Variants in FOLH1 observed in about 807,000 individuals in gnomAD.
The protein encoded by FOLH1 is glutamate carboxypeptidase 2.
In FOLH1, 54 loss-of-function variants were observed where a neutral mutation model predicts 93.9. That is an observed-to-expected ratio of 0.57 (90% confidence interval 0.46 to 0.72). The LOEUF is 0.72. Among genes scored for constraint, FOLH1 ranks in the 30% least tolerant of loss-of-function variants. The pLI, the probability that FOLH1 is intolerant of heterozygous loss-of-function variation, is 0.00. For missense variants in FOLH1, 571 were observed against 892.5 expected, an observed-to-expected ratio of 0.64 and a Z score of 4.59; for synonymous variants, 249 against 303.6, an observed-to-expected ratio of 0.82 and a Z score of 1.87.
At chr11:49,187,805 C>T (rs1178690923) in intron 4 of FOLH1, among the ~76,000 whole-genome samples, 2 of 152,190 alleles carry the variant, frequency 1.3e-5, no homozygotes, top group Non-Finnish European at 2.9e-5. Context: ...CTGTAGACAG[C>T]CCCCTTGCTC....
chr11:49,169,665 A>C (rs1858970609), intron 11 of FOLH1, among the ~76,000 whole-genome samples: 2 of 152,228 alleles, frequency 1.3e-5, no homozygotes, highest in Admixed American at 1.3e-4. Context: ...TATGGAATGA[A>C]GGTATTTTAA....
intron 15 of FOLH1, among the ~76,000 whole-genome samples, chr11:49,155,346 ACCTCC>A (rs1177175204): frequency 6.6e-6 from 1 of 152,066 alleles, no homozygotes; most frequent in Non-Finnish European, 1.5e-5. Flanking sequence ...ACTCTGCCTA[ACCTCC>A]TACCTCACAG....
At chr11:49,159,133 G>A (rs1190528181) in intron 13 of FOLH1, among the ~76,000 whole-genome samples, 3 of 151,980 alleles carry the variant, frequency 2.0e-5, no homozygotes, top group Non-Finnish European at 4.4e-5. Flanking sequence ...TTTTTATCTT[G>A]CCTGATTACC....
chr11:49,208,252 G>A (rs753280385), intron 1 of FOLH1, 40 bp downstream of exon 1: 2 of 1,394,188 alleles, frequency 1.4e-6, no homozygotes, highest in Non-Finnish European at 1.9e-6. Flanking sequence ...CGGCACCACG[G>A]GGAAGACTCC....
chr11:49,195,817 A>G (rs895182056), intron 3 of FOLH1, among the ~76,000 whole-genome samples: 43 of 152,242 alleles, frequency 2.8e-4, no homozygotes, highest in Middle Eastern at 3.2e-3. Flanking sequence ...CAAATGGAAA[A>G]TGCATTTTAA....
chr11:49,179,396 C>T (rs1860470520), intron 7 of FOLH1, among the ~76,000 whole-genome samples: 1 of 152,176 alleles, frequency 6.6e-6, no homozygotes, highest in African/African-American at 2.4e-5. Flanking sequence ...TACTCATATA[C>T]TTCTTTTACT....
chr11:49,195,102 T>A (rs1310706727), intron 3 of FOLH1, among the ~76,000 whole-genome samples: 3 of 151,952 alleles, frequency 2.0e-5, no homozygotes, highest in Admixed American at 6.6e-5. Context: ...CAAACAACCA[T>A]CAAATACATG....
rs971454357 is a variant in FOLH1, at chr11:49,162,841, T to A, written c.1440+1864A>T. The A allele has an allele frequency of 3.3e-5, 5 of 152,054 alleles. No homozygotes were observed. The East Asian group carries it at 9.6e-4, about 29-fold the overall frequency. The allele number at this position is 152,054 out of a possible 1,614,324, so 9.4% of individuals were successfully genotyped here. A position where few individuals can be genotyped will look rare whatever the true frequency, so the allele number is the denominator to read the frequency against. ...CCACTTTTCTGCAGGGCTGCTGTGTTGTGCTGGGGGGTCGACTCCAATCGC... is the reference window on the plus strand; with the variant it reads ...CCACTTTTCTGCAGGGCTGCTGTGTAGTGCTGGGGGGTCGACTCCAATCGC... On this transcript the variant is annotated intron_variant, in intron 13 of 18. Transcript: ENST00000256999.
At chr11:49,182,200 G>A (rs1268830531) in intron 7 of FOLH1, among the ~76,000 whole-genome samples, 1 of 151,742 alleles carries the variant, frequency 6.6e-6, no homozygotes, top group Non-Finnish European at 1.5e-5. Context: ...ATAGTGGTGG[G>A]CACCTGTAAT....
intron 12 of FOLH1, among the ~76,000 whole-genome samples, chr11:49,165,516 G>A (rs1006862723): frequency 2.0e-5 from 3 of 152,208 alleles, no homozygotes; most frequent in Non-Finnish European, 4.4e-5. Flanking sequence ...AGCACAGGGA[G>A]GGGCTGCTGA....
chr11:49,154,168 T>A, intron 16 of FOLH1, 60 bp downstream of exon 16: 15 of 1,583,184 alleles, frequency 9.5e-6, no homozygotes, highest in Non-Finnish European at 1.3e-5. Flanking sequence ...TAGCCCATTA[T>A]ATTTAGGAGA....
intron 17 of FOLH1, among the ~76,000 whole-genome samples, chr11:49,152,339 C>G (rs1337183936): frequency 6.6e-6 from 1 of 152,134 alleles, no homozygotes; most frequent in Non-Finnish European, 1.5e-5. Flanking sequence ...TGTGACAGCT[C>G]TTGAACACAT....
intron 4 of FOLH1, among the ~76,000 whole-genome samples, chr11:49,189,187 G>A (rs1056337315): frequency 6.6e-6 from 1 of 152,072 alleles, no homozygotes; most frequent in Non-Finnish European, 1.5e-5. Context: ...ATGAAAAAGC[G>A]CACAGGGTAA....
At position 49,171,241 on chromosome 11, in the gene FOLH1, C is replaced by A; in HGVS notation, c.1262G>T (p.Trp421Leu). The A allele has an allele frequency of 1.3e-6, 2 of 1,588,324 alleles. No individual in the cohort carries two copies. Among genetic ancestry groups the A allele is most frequent in the South Asian group, 1.2e-5 (1 of 85,526 alleles). The stretch of plus-strand genomic sequence containing the variant: ...AAGAAGACCAAATTCTTCTGCATCC[C>A]AGCTTGCAAACAAAATTGTTCTTCT... ...RPRRTILFASWDAEEFGLLGS... is the reference protein window; with the variant it reads ...RPRRTILFASLDAEEFGLLGS... The change falls in exon 11 of 19, where the codon TGG (tryptophan) becomes TTG (leucine). Residue 421 changes from tryptophan (W) to leucine (L), a missense_variant. Coordinates refer to ENST00000256999, the MANE Select transcript of FOLH1 (RefSeq NM_004476.3).
intron 7 of FOLH1, among the ~76,000 whole-genome samples, chr11:49,178,834 T>A (rs1264327281): frequency 2.0e-5 from 3 of 152,222 alleles, no homozygotes; most frequent in Non-Finnish European, 4.4e-5. Context: ...ATTGAGTTTA[T>A]AATTCTGTAT....
At chr11:49,155,045 A>G (rs1228074934) in intron 15 of FOLH1, among the ~76,000 whole-genome samples, 2 of 152,210 alleles carry the variant, frequency 1.3e-5, no homozygotes, top group Non-Finnish European at 2.9e-5. Flanking sequence ...AGGTGTCAGG[A>G]AAACCAAAAG....
At chr11:49,193,675 A>T (rs1367110806) in intron 3 of FOLH1, among the ~76,000 whole-genome samples, 2 of 152,176 alleles carry the variant, frequency 1.3e-5, no homozygotes, top group African/African-American at 4.8e-5. Context: ...TGGAAAAAAA[A>T]TAGTAAGGAA....
intron 13 of FOLH1, among the ~76,000 whole-genome samples, chr11:49,164,449 C>T (rs895558931): frequency 1.1e-4 from 16 of 152,276 alleles, no homozygotes; most frequent in African/African-American, 3.8e-4. Context: ...GTTCTTTGAG[C>T]TCAGTTTCAC....
At chr11:49,160,981 C>T (rs551280823) in intron 13 of FOLH1, among the ~76,000 whole-genome samples, 73 of 152,104 alleles carry the variant, frequency 4.8e-4, no homozygotes, top group African/African-American at 1.4e-3. Flanking sequence ...TGAATTTGCA[C>T]GGCAGTACAA....
Sources: allele counts gnomAD v4.1 joint callset (sites outside exome capture counted in the v4.1 genomes callset), GRCh38; gene constraint gnomAD v4.1.1; transcripts MANE v1.5; gene names NCBI Gene and HGNC (gene_info 2026-07-23, HGNC 2026-07-21).